The following FSTL4 variants were observed in gnomAD, a reference collection of about 807,000 sequenced individuals.
FSTL4 encodes the protein follistatin-related protein 4.
In FSTL4, 28 loss-of-function variants were observed where a neutral mutation model predicts 78.2. The observed-to-expected ratio is 0.36, with a 90% CI of 0.27 to 0.49. FSTL4 has a LOEUF of 0.49. FSTL4 is among the 20% of genes least tolerant of loss of function. The pLI, the probability that FSTL4 is intolerant of heterozygous loss-of-function variation, is 0.98. For missense variants in FSTL4, 922 were observed against 1,084.9 expected, an observed-to-expected ratio of 0.85 and a Z score of 2.11; for synonymous variants, 422 against 440.5, an observed-to-expected ratio of 0.96 and a Z score of 0.53.
chr5:133,534,045 T>G (rs1446598271), intron 3 of FSTL4, among the ~76,000 whole-genome samples: 1 of 152,138 alleles, frequency 6.6e-6, no homozygotes, highest in Non-Finnish European at 1.5e-5. Context: ...AACAGAATTA[T>G]CTGAGACTAA....
chr5:133,263,921 G>A (rs1368629257), intron 6 of FSTL4, among the ~76,000 whole-genome samples: 1 of 152,210 alleles, frequency 6.6e-6, no homozygotes, highest in Non-Finnish European at 1.5e-5. Flanking sequence ...GTGACAGAAG[G>A]TGGGCAGAGC....
chr5:133,708,512 C>T, the FSTL4 span, among the ~76,000 whole-genome samples: 3 of 152,164 alleles, frequency 2.0e-5, no homozygotes, highest in Non-Finnish European at 4.4e-5. Context: ...CTGGACCTGA[C>T]CGTTCCTCCT....
At chr5:133,827,693 TG>T in the FSTL4 span, among the ~76,000 whole-genome samples, 10 of 151,760 alleles carry the variant, frequency 6.6e-5, no homozygotes, top group African/African-American at 2.4e-4. Context: ...TACAAAGCCA[TG>T]GGTTTCTTCC....
chr5:133,749,005 G>T, the FSTL4 span, among the ~76,000 whole-genome samples: 1 of 152,160 alleles, frequency 6.6e-6, no homozygotes, highest in African/African-American at 2.4e-5. Context: ...CCCTCTCAAG[G>T]ATAGGACAAT....
At position 133,298,929 on chromosome 5, in the gene FSTL4, G is replaced by A. The variant is rs115639855; in HGVS notation, c.727+13725C>T. On this transcript the variant is annotated intron_variant, in intron 6 of 15. Coordinates refer to ENST00000265342, the MANE Select transcript of FSTL4 (RefSeq NM_015082.2). ...TTGTGGTTGTGCCATTGTAAGGACC[G>A]CACTTCTCCCCTGGGATGAGGGCTA... 8.2e-3 allele frequency among the ~76,000 whole-genome samples: 1,242 copies of A among 152,346 alleles called. 16 individuals are homozygous for A. The highest frequency in any genetic ancestry group is 0.023 in the African/African-American group (976 of 41,574).
In FSTL4 at chr5:133,284,317, A is replaced by G. The variant is rs550449812; in HGVS notation, c.727+28337T>C. On this transcript the variant is annotated intron_variant, in intron 6 of 15. Transcript: ENST00000265342. ...CTCCCAGGTCAGACTGCTGCTAATC[A>G]AAGTGTTGCTTCCTCTAATTAGAGT... is the stretch of plus-strand genomic sequence containing the variant. 1.6e-4 allele frequency among the ~76,000 whole-genome samples: 25 copies of G among 152,356 alleles called. No homozygotes were observed. The East Asian group carries it at 4.6e-3, about 28-fold the overall frequency.
rs1293785820 is a variant in FSTL4 at position 133,611,636 on chromosome 5, CG to C, written c.-11+688del. On this transcript the variant is annotated intron_variant, in intron 1 of 15. Transcript: ENST00000265342. The surrounding 1 kb of genome is among the most constrained non-coding windows in gnomAD (Gnocchi z 4.9). The stretch of plus-strand genomic sequence containing the variant: ...ACACGTTCAAGCGGGTACCCCGGGC[CG>C]CTCACTCTGGACCGCGGCCGGCTAC... 6.6e-6 allele frequency among the ~76,000 whole-genome samples: 1 copy of C among 152,224 alleles called. No individual in the cohort carries two copies. Among genetic ancestry groups the C allele is most frequent in the Non-Finnish European group, 1.5e-5 (1 of 68,040 alleles).
At chr5:133,521,296 G>A (rs138517348) in intron 3 of FSTL4, among the ~76,000 whole-genome samples, 3 of 152,308 alleles carry the variant, frequency 2.0e-5, no homozygotes, top group South Asian at 2.1e-4. Flanking sequence ...CTGAGCAGTC[G>A]GGCAGGCTGT....
chr5:133,339,948 T>G (rs950738437), intron 4 of FSTL4, among the ~76,000 whole-genome samples: 3 of 152,186 alleles, frequency 2.0e-5, no homozygotes. Context: ...TGAAAAAGTA[T>G]GGGGATTGGA....
At chr5:133,419,706 C>T (rs141383798) in intron 3 of FSTL4, among the ~76,000 whole-genome samples, 3 of 152,282 alleles carry the variant, frequency 2.0e-5, no homozygotes, top group South Asian at 2.1e-4. Context: ...TTTACATTCC[C>T]GTCAGCAGAT....
At chr5:133,674,611 CTG>C in the FSTL4 span, among the ~76,000 whole-genome samples, 36 of 137,854 alleles carry the variant, frequency 2.6e-4, no homozygotes, top group Non-Finnish European at 3.1e-4. Context: ...GTGTGTGTGT[CTG>C]TGTGTGTGTG....
intron 4 of FSTL4, among the ~76,000 whole-genome samples, chr5:133,327,308 G>A (rs1468074455): frequency 1.3e-5 from 2 of 152,210 alleles, no homozygotes; most frequent in Admixed American, 6.5e-5. Flanking sequence ...GCTTCTAGAA[G>A]GGTAGCAAGT....
intron 11 of FSTL4, among the ~76,000 whole-genome samples, chr5:133,223,045 T>C (rs908282047): frequency 6.6e-6 from 1 of 152,214 alleles, no homozygotes; most frequent in African/African-American, 2.4e-5. Context: ...TCACATTCCA[T>C]GGGGCCTCTT....
chr5:133,700,506 G>A, the FSTL4 span, among the ~76,000 whole-genome samples: 1 of 152,216 alleles, frequency 6.6e-6, no homozygotes, highest in Non-Finnish European at 1.5e-5. Flanking sequence ...CTCACGACAG[G>A]TCTGCTCATC....
chr5:133,367,607 A>G (rs1202513693), intron 4 of FSTL4, among the ~76,000 whole-genome samples: 1 of 152,126 alleles, frequency 6.6e-6, no homozygotes, highest in African/African-American at 2.4e-5. Context: ...AGCAGGCAGA[A>G]CCATTTGAAC....
At chr5:133,295,080 C>A (rs1412383330) in intron 6 of FSTL4, among the ~76,000 whole-genome samples, 2 of 152,202 alleles carry the variant, frequency 1.3e-5, no homozygotes. Context: ...GCCTCCTCTG[C>A]ATCTGTCCCT....
At chr5:133,776,662 G>A in the FSTL4 span, among the ~76,000 whole-genome samples, 6 of 152,188 alleles carry the variant, frequency 3.9e-5, no homozygotes, top group Non-Finnish European at 8.8e-5. Context: ...CTGCCCATGA[G>A]AGGCACTCTG....
At chr5:133,741,473 G>A in the FSTL4 span, among the ~76,000 whole-genome samples, 1 of 152,212 alleles carries the variant, frequency 6.6e-6, no homozygotes, top group Non-Finnish European at 1.5e-5. Flanking sequence ...TGCAGGAAGT[G>A]GGAAAACTTT....
At chr5:133,220,908 G>C in intron 11 of FSTL4, 42 bp from the exon 12 acceptor site, 4 of 1,175,048 alleles carry the variant, frequency 3.4e-6, no homozygotes, top group Non-Finnish European at 3.9e-6. Flanking sequence ...CCAAGCAGTC[G>C]GCCCCTGGGC....
Sources: allele counts gnomAD v4.1 joint callset (sites outside exome capture counted in the v4.1 genomes callset), GRCh38; gene constraint gnomAD v4.1.1; non-coding constraint Gnocchi (gnomAD v3.1); transcripts MANE v1.5; gene names NCBI Gene and HGNC (gene_info 2026-07-23, HGNC 2026-07-21).